Variants in PLXNA4 observed in about 807,000 individuals in gnomAD.
PLXNA4 encodes the protein plexin-A4.
A neutral mutation model predicts 191.8 loss-of-function variants in PLXNA4; 44 were observed. The ratio of observed to expected loss-of-function variants is 0.23; its 90% CI spans 0.18 to 0.29. The LOEUF (loss-of-function observed/expected upper bound fraction) is 0.29. Ranked by LOEUF, PLXNA4 falls within the 10% of genes least tolerant of loss-of-function variation. PLXNA4 has a pLI of 1.00. For missense variants in PLXNA4, 1,800 were observed against 2,488.8 expected, an observed-to-expected ratio of 0.72 and a Z score of 5.89; for synonymous variants, 1,082 against 1,009.5, an observed-to-expected ratio of 1.07 and a Z score of -1.36.
chr7:132,311,300 TC>T (rs965271608), intron 3 of PLXNA4, among the ~76,000 whole-genome samples: 1 of 151,996 alleles, frequency 6.6e-6, no homozygotes, highest in African/African-American at 2.4e-5. Flanking sequence ...CCCCAGAGTC[TC>T]CCGGTATGAT....
intron 1 of PLXNA4, among the ~76,000 whole-genome samples, chr7:132,566,095 A>G (rs1412395479): frequency 6.6e-6 from 1 of 152,214 alleles, no homozygotes; most frequent in Non-Finnish European, 1.5e-5. Context: ...TGCTTTATGA[A>G]TGGGCGTCAG....
chr7:132,422,983 T>C (rs1794901337), intron 3 of PLXNA4, among the ~76,000 whole-genome samples: 3 of 151,916 alleles, frequency 2.0e-5, no homozygotes, highest in Admixed American at 6.6e-5. Flanking sequence ...AGGCAGAGAG[T>C]CAAGGGAGAG....
chr7:132,224,296 C>G (rs1170423590), intron 8 of PLXNA4, among the ~76,000 whole-genome samples: 1 of 152,132 alleles, frequency 6.6e-6, no homozygotes, highest in African/African-American at 2.4e-5. Context: ...CACGAATAGG[C>G]CACACTCTCC....
chr7:132,452,299 A>G (rs1161158846), intron 3 of PLXNA4, among the ~76,000 whole-genome samples: 1 of 152,222 alleles, frequency 6.6e-6, no homozygotes, highest in East Asian at 1.9e-4. Flanking sequence ...CAGCAATAAA[A>G]GGCCAGGCTT....
intron 8 of PLXNA4, among the ~76,000 whole-genome samples, chr7:132,225,618 C>T (rs547647925): frequency 6.6e-6 from 1 of 151,054 alleles, no homozygotes; most frequent in African/African-American, 2.4e-5. Flanking sequence ...CAGAGTCCGC[C>T]CCCCCCCACA....
At chr7:132,256,808 T>G (rs1423002676) in intron 4 of PLXNA4, among the ~76,000 whole-genome samples, 1 of 151,856 alleles carries the variant, frequency 6.6e-6, no homozygotes, top group East Asian at 1.9e-4. Flanking sequence ...AGCAGAGGAG[T>G]TAGTGATTTG....
intron 4 of PLXNA4, among the ~76,000 whole-genome samples, chr7:132,295,367 T>C (rs1282526741): frequency 1.3e-5 from 2 of 152,176 alleles, no homozygotes; most frequent in African/African-American, 4.8e-5. Flanking sequence ...ACAGCCGAGC[T>C]AAGTTTTGAA....
At chr7:132,462,507 A>G (rs1345736588) in intron 3 of PLXNA4, among the ~76,000 whole-genome samples, 3 of 151,846 alleles carry the variant, frequency 2.0e-5, no homozygotes, top group Non-Finnish European at 4.4e-5. Flanking sequence ...TGAAAACATA[A>G]TATGTACATA....
chr7:132,207,571 A>G (rs1797666964), intron 10 of PLXNA4, among the ~76,000 whole-genome samples: 1 of 152,198 alleles, frequency 6.6e-6, no homozygotes, highest in Non-Finnish European at 1.5e-5. Context: ...GGCTGCAGCC[A>G]TTGGCTCAAG....
At chr7:132,350,063 C>T (rs898802443) in intron 3 of PLXNA4, among the ~76,000 whole-genome samples, 3 of 152,090 alleles carry the variant, frequency 2.0e-5, no homozygotes, top group Non-Finnish European at 2.9e-5. Flanking sequence ...CTTCAAAATC[C>T]CAACCTCCTG....
At chr7:132,392,701 A>T (rs1297412682) in intron 3 of PLXNA4, among the ~76,000 whole-genome samples, 3 of 152,240 alleles carry the variant, frequency 2.0e-5, no homozygotes, top group Non-Finnish European at 4.4e-5. Flanking sequence ...GCCAGGCTTC[A>T]GCCTCGCCTA....
intron 3 of PLXNA4, among the ~76,000 whole-genome samples, chr7:132,322,527 G>T (rs1802212376): frequency 6.6e-6 from 1 of 152,152 alleles, no homozygotes; most frequent in African/African-American, 2.4e-5. Flanking sequence ...TGTCACATCA[G>T]GTTTTAAGAG....
chr7:132,234,820 G>A (rs1584881106), intron 5 of PLXNA4, among the ~76,000 whole-genome samples: 2 of 152,086 alleles, frequency 1.3e-5, no homozygotes, highest in East Asian at 3.9e-4. Flanking sequence ...AAATCTCCTT[G>A]CACAGACTGC....
At chr7:132,639,077 T>C (rs1459335711) in intron 2 of PLXNA4, among the ~76,000 whole-genome samples, 1 of 152,144 alleles carries the variant, frequency 6.6e-6, no homozygotes, top group Non-Finnish European at 1.5e-5. Flanking sequence ...CTGGGTTATA[T>C]CAAAGTTCAC....
chr7:132,330,232 C>A (rs543735244), intron 3 of PLXNA4, among the ~76,000 whole-genome samples: 1 of 152,162 alleles, frequency 6.6e-6, no homozygotes, highest in Non-Finnish European at 1.5e-5. Flanking sequence ...TTGGCTGGAG[C>A]TGAGTAGGGA....
At chr7:132,561,578 CTCCTCT>C (rs1359421489) in intron 1 of PLXNA4, among the ~76,000 whole-genome samples, 21 of 103,192 alleles carry the variant, frequency 2.0e-4, no homozygotes, top group African/African-American at 8.0e-4. Flanking sequence ...CTTTCCCCTC[CTCCTCT>C]TCCTCCTTCT....
rs112108333 is a variant in PLXNA4, at chr7:132,265,204, T to C, written c.1504-24038A>G. On this transcript the variant is annotated intron_variant, in intron 4 of 31. Transcript: ENST00000321063. ...TTTGAGAAACTCTGGGTGTTGAGTT[T>C]GAATTGTGCTTTGGGGTCAGCTGGG... Among the ~76,000 whole-genome samples the C allele has an allele frequency of 7.9e-3, 1,198 of 152,308 alleles. 27 individuals are homozygous for C. The highest frequency in any genetic ancestry group is 0.027 in the African/African-American group (1,115 of 41,544).
chr7:132,543,583 A>G (rs553470077), intron 1 of PLXNA4, among the ~76,000 whole-genome samples: 7 of 152,384 alleles, frequency 4.6e-5, no homozygotes, highest in African/African-American at 1.7e-4. Context: ...TACTAGAAGC[A>G]AAAACCTCCC....
chr7:132,446,907 G>C lies in PLXNA4; in HGVS notation c.1371+42385C>G, dbSNP rs150088804. Among the ~76,000 whole-genome samples, 481 of 152,196 alleles carry C rather than the reference G, an allele frequency of 3.2e-3. 2 individuals carry two copies. Among genetic ancestry groups the C allele is most frequent in the Non-Finnish European group, 5.6e-3 (384 of 68,018 alleles). On this transcript the variant is annotated intron_variant, in intron 3 of 31. Transcript: ENST00000321063. ...AGACACACACACCTTTGAATTCCTC[G>C]ACAGGCCTGTGCCTGGACCTTCCAT...
Sources: allele counts gnomAD v4.1 joint callset (sites outside exome capture counted in the v4.1 genomes callset), GRCh38; gene constraint gnomAD v4.1.1; transcripts MANE v1.5; gene names NCBI Gene and HGNC (gene_info 2026-07-23, HGNC 2026-07-21).